Variants in SH3GLB1 observed in about 807,000 individuals in gnomAD.
SH3GLB1 encodes the protein SH3 domain containing GRB2 like, endophilin B1.
SH3GLB1 carries 17 observed loss-of-function variants against 42.0 expected under a neutral mutation model. The observed-to-expected ratio is 0.40, with a 90% CI of 0.28 to 0.61. The LOEUF is 0.61. Among genes scored for constraint, SH3GLB1 ranks in the 20% least tolerant of loss-of-function variants. The probability of loss-of-function intolerance (pLI) is 0.36; values close to 1 mark genes in which losing one functional copy is unlikely to be tolerated. For missense variants in SH3GLB1, 355 were observed against 426.3 expected, an observed-to-expected ratio of 0.83 and a Z score of 1.47; for synonymous variants, 132 against 146.6, an observed-to-expected ratio of 0.90 and a Z score of 0.72.
In SH3GLB1 at chr1:86,704,702, C is replaced by T. The variant is rs938121087; in HGVS notation, c.-198C>T. 10 of 444,426 alleles carry T rather than the reference C, an allele frequency of 2.3e-5. No homozygotes were observed. Among genetic ancestry groups the T allele is most frequent in the Non-Finnish European group, 4.0e-5 (10 of 248,744 alleles). The allele number at this position is 444,426 out of a possible 1,614,324, so 27.5% of individuals were successfully genotyped here. A position where few individuals can be genotyped will look rare whatever the true frequency, so the allele number is the denominator to read the frequency against. ...ACTGACCCATCCTTGGCGCTGCCGC[C>T]GCGCGCTTGTTCTCCTCCCTCGCCC... On this transcript the variant is annotated 5_prime_UTR_variant, in exon 1 of 9. Transcript: ENST00000370558.
In SH3GLB1 at chr1:86,746,418, T is replaced by C. The variant is rs1656299125; in HGVS notation, c.*3183T>C. 1 of 152,216 alleles carries C rather than the reference T, an allele frequency of 6.6e-6. No homozygotes were observed. Among genetic ancestry groups the C allele is most frequent in the Non-Finnish European group, 1.5e-5 (1 of 68,044 alleles). 9.4% of individuals were successfully genotyped at this position (152,216 alleles called of 1,614,324 possible). A position where few individuals can be genotyped will look rare whatever the true frequency, so the allele number is the denominator to read the frequency against. The stretch of plus-strand genomic sequence containing the variant: ...AGCACTTTAAGCTTCAGTGAGGTGC[T>C]GTAATGGAGAGATAGCTTCATAGTT... On this transcript the variant is annotated 3_prime_UTR_variant, in exon 9 of 9. Transcript: ENST00000370558.
intron 1 of SH3GLB1, among the ~76,000 whole-genome samples, chr1:86,713,711 C>T (rs1358702788): frequency 1.3e-5 from 2 of 152,168 alleles, no homozygotes; most frequent in Non-Finnish European, 2.9e-5. Context: ...CCCACTGAAG[C>T]CTTCCCTGAT....
At position 86,735,184 on chromosome 1, in the gene SH3GLB1, T is replaced by A. The variant is rs1298345932; in HGVS notation, c.761+5T>A. 2 of 1,587,794 alleles carry A rather than the reference T, an allele frequency of 1.3e-6. No individual in the cohort carries two copies. The highest frequency in any genetic ancestry group is 3.3e-5 in the Admixed American group (2 of 59,876). The stretch of plus-strand genomic sequence containing the variant: ...CCTCCAGAAACAACTGGGAAGGTGA[T>A]AATTTACTTTTCACATGTAAAGAGG... On this transcript the variant is annotated splice_donor_5th_base_variant and intron_variant, in intron 7 of 8. Transcript: ENST00000370558.
intron 3 of SH3GLB1, 35 bp from the exon 4 acceptor site, chr1:86,722,505 A>G: frequency 6.5e-7 from 1 of 1,544,432 alleles, no homozygotes; most frequent in South Asian, 1.3e-5. Context: ...TGGTATTACC[A>G]GACAATGATT....
intron 7 of SH3GLB1, 39 bp from the exon 8 acceptor site, chr1:86,742,169 C>A: frequency 1.3e-6 from 2 of 1,531,418 alleles, no homozygotes; most frequent in Non-Finnish European, 1.8e-6. Flanking sequence ...GAGCTTTAGT[C>A]ACTTGGAAAT....
chr1:86,728,288 A>G, intron 5 of SH3GLB1: 1 of 466,806 alleles, frequency 2.1e-6, no homozygotes, highest in Non-Finnish European at 3.7e-6. Context: ...TTAATAGAAA[A>G]AAATATTTGA....
chr1:86,713,240 T>C (rs1477768440), intron 1 of SH3GLB1, among the ~76,000 whole-genome samples: 1 of 152,054 alleles, frequency 6.6e-6, no homozygotes, highest in Non-Finnish European at 1.5e-5. Context: ...CCACCATACC[T>C]GGCTAATTTT....
intron 5 of SH3GLB1, among the ~76,000 whole-genome samples, chr1:86,728,215 G>GA (rs972880283): frequency 6.6e-6 from 1 of 151,754 alleles, no homozygotes; most frequent in Non-Finnish European, 1.5e-5. Context: ...GAATTTTGGG[G>GA]AAAAAAATGA....
chr1:86,738,179 C>T (rs536103673), intron 7 of SH3GLB1, among the ~76,000 whole-genome samples: 154 of 152,288 alleles, frequency 1.0e-3, no homozygotes, highest in African/African-American at 3.6e-3. Context: ...TGGCTTGGAT[C>T]AGGGTAATTG....
intron 5 of SH3GLB1, among the ~76,000 whole-genome samples, chr1:86,733,289 AGTGG>A (rs1226143905): frequency 2.0e-5 from 3 of 152,296 alleles, no homozygotes; most frequent in Admixed American, 6.5e-5. Context: ...GTTTGTTGCC[AGTGG>A]GCTGTTACAG....
At chr1:86,724,942 TATATAAAATATATAATAC>T (rs1029916610) in intron 5 of SH3GLB1, among the ~76,000 whole-genome samples, 3 of 141,954 alleles carry the variant, frequency 2.1e-5, no homozygotes, top group Non-Finnish European at 4.5e-5. Context: ...TGTGTGTATA[TATATAAAATATATAATAC>T]ATATGTGTAT....
chr1:86,704,728 C>T lies in SH3GLB1; in HGVS notation c.-172C>T, dbSNP rs1253049180. On this transcript the variant is annotated 5_prime_UTR_variant, in exon 1 of 9. Coordinates refer to ENST00000370558, the MANE Select transcript of SH3GLB1 (RefSeq NM_016009.5). ...GCGCGCTTGTTCTCCTCCCTCGCCC[C>T]GCCTTCATCCTCCCCGTTCACGGAA... 10 of 476,780 alleles carry T rather than the reference C, an allele frequency of 2.1e-5. No individual in the cohort carries two copies. The highest frequency in any genetic ancestry group is 1.2e-4 in the East Asian group (3 of 25,786). The allele number at this position is 476,780 out of a possible 1,614,324, so 29.5% of individuals were successfully genotyped here. A position where few individuals can be genotyped will look rare whatever the true frequency, so the allele number is the denominator to read the frequency against.
intron 2 of SH3GLB1, among the ~76,000 whole-genome samples, chr1:86,718,042 GTTTTT>G (rs34852185): frequency 7.2e-6 from 1 of 139,540 alleles, no homozygotes; most frequent in Non-Finnish European, 1.6e-5. Context: ...ACACAAAGCT[GTTTTT>G]TTTTTTTTTT....
rs778164999 is a variant in SH3GLB1 at position 86,719,560 on chromosome 1, C to T, written c.268C>T (p.Arg90Cys). Residue 90 changes from arginine (R) to cysteine (C), a missense_variant, in exon 3 of 9, where the codon CGT (arginine) becomes TGT (cysteine). Arg to Cys is a radical substitution (Grantham distance 180). Transcript: ENST00000370558. ...YEKLDRKAPS[R>C]INNPELLGQY... ...GAAACTGGATAGAAAAGCTCCAAGTCGTATAAACAACCCAGAACTTTTGGG... is the reference window on the plus strand; with the variant it reads ...GAAACTGGATAGAAAAGCTCCAAGTTGTATAAACAACCCAGAACTTTTGGG... The T allele has an allele frequency of 3.1e-6, 5 of 1,610,284 alleles. No individual in the cohort carries two copies. The highest frequency in any genetic ancestry group is 2.2e-5 in the East Asian group (1 of 44,506).
At chr1:86,712,434 G>A (rs893941125) in intron 1 of SH3GLB1, among the ~76,000 whole-genome samples, 1 of 152,192 alleles carries the variant, frequency 6.6e-6, no homozygotes, top group African/African-American at 2.4e-5. Context: ...TCAAACAGAT[G>A]TGAGATTGAA....
In SH3GLB1 at chr1:86,744,255, T is replaced by A. The variant is rs1317916674; in HGVS notation, c.*1020T>A. 1 of 152,172 alleles carries A rather than the reference T, an allele frequency of 6.6e-6. No individual in the cohort carries two copies. The highest frequency in any genetic ancestry group is 1.5e-5 in the Non-Finnish European group (1 of 68,024). 9.4% of individuals were successfully genotyped at this position (152,172 alleles called of 1,614,324 possible). A position where few individuals can be genotyped will look rare whatever the true frequency, so the allele number is the denominator to read the frequency against. ...GACACATTGGAAGCTAGAAAATTGC[T>A]GTTGGGGCCATTGCTATAAATCATT... On this transcript the variant is annotated 3_prime_UTR_variant, in exon 9 of 9. Coordinates refer to ENST00000370558, the MANE Select transcript of SH3GLB1 (RefSeq NM_016009.5).
In SH3GLB1 at chr1:86,710,967, C is replaced by T. The variant is rs926232683; in HGVS notation, c.73-4757C>T. Among the ~76,000 whole-genome samples the T allele has an allele frequency of 2.6e-5, 4 of 152,268 alleles. No individual in the cohort carries two copies. In the South Asian group the frequency reaches 8.3e-4, roughly 32 times the overall value. ...CCAATATATGAGCTACACCCCAGTC[C>T]AATTAAATTAGAATCTTAGGGGTTG... On this transcript the variant is annotated intron_variant, in intron 1 of 8. Transcript: ENST00000370558.
At chr1:86,729,841 C>T (rs1177116259) in intron 5 of SH3GLB1, among the ~76,000 whole-genome samples, 1 of 151,876 alleles carries the variant, frequency 6.6e-6, no homozygotes, top group Admixed American at 6.6e-5. Flanking sequence ...TAGGTGTTCT[C>T]AATTTGGGAA....
intron 5 of SH3GLB1, among the ~76,000 whole-genome samples, chr1:86,730,607 C>G (rs1280715523): frequency 6.6e-6 from 1 of 152,024 alleles, no homozygotes; most frequent in Admixed American, 6.5e-5. Flanking sequence ...TCAACCGATT[C>G]TCCTGCCTCA....
Sources: allele counts gnomAD v4.1 joint callset (sites outside exome capture counted in the v4.1 genomes callset), GRCh38; gene constraint gnomAD v4.1.1; transcripts MANE v1.5; gene names NCBI Gene and HGNC (gene_info 2026-07-23, HGNC 2026-07-21).